The following SLC7A7 variants were observed in gnomAD, a reference collection of about 807,000 sequenced individuals.
SLC7A7 encodes the protein Y+L amino acid transporter 1.
In SLC7A7, 39 loss-of-function variants were observed where a neutral mutation model predicts 47.9. The observed-to-expected ratio is 0.81, with a 90% CI of 0.63 to 1.06. SLC7A7 has a LOEUF of 1.06. SLC7A7 is among the 50% of genes least tolerant of loss of function. The pLI is 0.00. For synonymous variants in SLC7A7, 234 were observed against 242.8 expected (o/e 0.96, Z 0.34); for missense variants, 588 against 632.0 (o/e 0.93, Z 0.75).
At chr14:22,819,078 G>C (rs369082295), upstream of SLC7A7, among the ~76,000 whole-genome samples, 2 of 152,262 alleles carry the variant, frequency 1.3e-5, no homozygotes, top group South Asian at 4.2e-4. Flanking sequence ...TGCTGGGCAG[G>C]ACAGCCAATG....
chr14:22,776,573 C>G (rs886509256), intron 4 of SLC7A7, among the ~76,000 whole-genome samples: 5 of 152,166 alleles, frequency 3.3e-5, no homozygotes, highest in Non-Finnish European at 5.9e-5. Flanking sequence ...TGGCTCATGC[C>G]TGTAGTACTA....
intron 1 of SLC7A7, 40 bp from the exon 2 acceptor site, chr14:22,813,480 G>C: frequency 6.4e-7 from 1 of 1,564,984 alleles, no homozygotes; most frequent in Non-Finnish European, 8.7e-7. Flanking sequence ...TAGGTGGTTG[G>C]CAATTACATA....
At chr14:22,778,241 G>C (rs1240285756) in intron 4 of SLC7A7, among the ~76,000 whole-genome samples, 1 of 152,174 alleles carries the variant, frequency 6.6e-6, no homozygotes, top group Non-Finnish European at 1.5e-5. Context: ...CTCAAGGTTA[G>C]CCAACAAGTC....
Position 22,780,181 on chromosome 14 carries a change from G to A in SLC7A7, c.500-130C>T, listed in dbSNP as rs184400378. 7.3e-4 allele frequency: 965 copies of A among 1,315,158 alleles called. 5 individuals are homozygous for A. The African/African-American group carries it at 0.013, about 18-fold the overall frequency. 81.5% of individuals were successfully genotyped at this position (1,315,158 alleles called of 1,614,324 possible). A position where few individuals can be genotyped will look rare whatever the true frequency, so the allele number is the denominator to read the frequency against. On this transcript the variant is annotated intron_variant, in intron 2 of 9. Transcript: ENST00000674313. Reference sequence around the variant, plus strand: ...CAGCCAAAGACAGACCCTCTGACCTGCTCTGCACTGGAACCCTCGGGGCCC... The same window carrying A: ...CAGCCAAAGACAGACCCTCTGACCTACTCTGCACTGGAACCCTCGGGGCCC...
chr14:22,798,360 C>T (rs566304160), intron 2 of SLC7A7, among the ~76,000 whole-genome samples: 19 of 152,020 alleles, frequency 1.2e-4, no homozygotes, highest in Non-Finnish European at 2.2e-4. Context: ...CAAGAGGAAA[C>T]TGAGGCTAAT....
At chr14:22,812,712 G>T (rs1182165393) in intron 2 of SLC7A7, among the ~76,000 whole-genome samples, 188 bp downstream of exon 2, 1 of 147,972 alleles carries the variant, frequency 6.8e-6, no homozygotes, top group African/African-American at 2.5e-5. Flanking sequence ...CTGGGGAAAA[G>T]GTGAGTGTTT....
In SLC7A7 at chr14:22,806,984, G is replaced by A. The variant is rs375736867; in HGVS notation, c.499+5916C>T. On this transcript the variant is annotated intron_variant, in intron 2 of 9. Coordinates refer to ENST00000674313, the MANE Select transcript of SLC7A7 (RefSeq NM_003982.4). ...GCGATCTGGGCTCACTGCAAGCTCC[G>A]CTTCCCGGGTTCATGCCATTCTCCT... 3.5e-4 allele frequency among the ~76,000 whole-genome samples: 50 copies of A among 143,282 alleles called. No individual in the cohort carries two copies. In the South Asian group the frequency reaches 8.6e-3, roughly 25 times the overall value. The allele number at this position is 143,282 out of a possible 152,430, so 94.0% of individuals were successfully genotyped here.
chr14:22,776,515 G>A (rs113616386), intron 4 of SLC7A7, among the ~76,000 whole-genome samples, 197 bp from the exon 5 acceptor site: 1,608 of 152,274 alleles, frequency 0.011, 24 homozygotes, highest in African/African-American at 0.037. Context: ...AGAACATTAG[G>A]GGAAAGGAAT....
At chr14:22,802,364 C>T (rs1025906083) in intron 2 of SLC7A7, among the ~76,000 whole-genome samples, 4 of 152,028 alleles carry the variant, frequency 2.6e-5, no homozygotes, top group Non-Finnish European at 2.9e-5. Flanking sequence ...GATCCTGCTA[C>T]TGTACTCCAG....
At chr14:22,805,178 C>T (rs376156232) in intron 2 of SLC7A7, among the ~76,000 whole-genome samples, 4 of 152,254 alleles carry the variant, frequency 2.6e-5, no homozygotes, top group African/African-American at 9.6e-5. Flanking sequence ...CCAGCCTGGC[C>T]AAGATGGGGA....
At chr14:22,803,496 T>C (rs1429553995) in intron 2 of SLC7A7, among the ~76,000 whole-genome samples, 1 of 152,152 alleles carries the variant, frequency 6.6e-6, no homozygotes, top group African/African-American at 2.4e-5. Context: ...TAAGGTACTA[T>C]TTTTGCAAAG....
At position 22,813,670 on chromosome 14, in the gene SLC7A7, T is replaced by A. The variant is rs867739147; in HGVS notation, c.-42-230A>T. On this transcript the variant is annotated intron_variant, in intron 1 of 9. Transcript: ENST00000674313. ...TCTCGCTCTGTAGCCCAGGCTGGAGTGCAGTGGTGCAATCTCGGCTCGGCT... is the reference window on the plus strand; with the variant it reads ...TCTCGCTCTGTAGCCCAGGCTGGAGAGCAGTGGTGCAATCTCGGCTCGGCT... 2.3e-4 allele frequency among the ~76,000 whole-genome samples: 33 copies of A among 146,438 alleles called. No homozygotes were observed. The Middle Eastern group carries it at 0.011, about 47-fold the overall frequency.
chr14:22,780,402 A>G (rs186875705), intron 2 of SLC7A7: 38 of 298,264 alleles, frequency 1.3e-4, no homozygotes, highest in African/African-American at 5.2e-4. Context: ...CTGAAAAGTC[A>G]TGGTCTCTCC....
rs11568438 is a variant in SLC7A7 at position 22,813,127 on chromosome 14, G to T, written c.272C>A (p.Ala91Glu). 9.3e-6 allele frequency: 15 copies of T among 1,613,992 alleles called. No homozygotes were observed. The highest frequency in any genetic ancestry group is 1.6e-4 in the Middle Eastern group (1 of 6,084). The change falls in exon 2 of 10, where the codon GCG becomes GAG. Residue 91 changes from alanine (A) to glutamate (E), a missense_variant. By Grantham distance (107) the Ala-to-Glu change is moderately radical. Transcript: ENST00000674313. ...TTTCTTAATGGTGGTGCCCAGTTCC[G>T]CATAACAAAGGGCCCCAAAGACGGA... ...LFSVFGALCY[A>E]ELGTTIKKSG...
rs1057524005 is a variant in SLC7A7, at chr14:22,773,602, G to C, written c.*8C>G. The C allele has an allele frequency of 6.2e-7, 1 of 1,607,146 alleles. No individual in the cohort carries two copies. The highest frequency in any genetic ancestry group is 8.5e-7 in the Non-Finnish European group (1 of 1,173,506). On this transcript the variant is annotated 3_prime_UTR_variant, in exon 10 of 10. Coordinates refer to ENST00000674313, the MANE Select transcript of SLC7A7 (RefSeq NM_003982.4). The stretch of plus-strand genomic sequence containing the variant: ...CCCTGCTTTCCACATCAGGATTCCA[G>C]ATGGTGTTTAGTTAGATTTGGGATC...
intron 2 of SLC7A7, among the ~76,000 whole-genome samples, chr14:22,808,069 G>T (rs2039242841): frequency 6.6e-6 from 1 of 151,992 alleles, no homozygotes; most frequent in Non-Finnish European, 1.5e-5. Flanking sequence ...GGCTGGGGCA[G>T]GAGAATCGCT....
intron 2 of SLC7A7, among the ~76,000 whole-genome samples, chr14:22,781,346 G>A (rs576688991): frequency 1.3e-5 from 2 of 152,042 alleles, no homozygotes; most frequent in Non-Finnish European, 2.9e-5. Context: ...TGAGAAGCAG[G>A]GAAGTCTGGC....
At chr14:22,786,574 T>C (rs1205132571) in intron 2 of SLC7A7, among the ~76,000 whole-genome samples, 1 of 152,248 alleles carries the variant, frequency 6.6e-6, no homozygotes, top group African/African-American at 2.4e-5. Flanking sequence ...CATTGTTTAC[T>C]ACAACTCCTT....
At chr14:22,810,644 A>G (rs2039291820) in intron 2 of SLC7A7, among the ~76,000 whole-genome samples, 1 of 152,166 alleles carries the variant, frequency 6.6e-6, no homozygotes, top group African/African-American at 2.4e-5. Flanking sequence ...CTACCAGATC[A>G]TCTGCAAGTA....
Sources: allele counts gnomAD v4.1 joint callset (sites outside exome capture counted in the v4.1 genomes callset), GRCh38; gene constraint gnomAD v4.1.1; transcripts MANE v1.5; gene names NCBI Gene and HGNC (gene_info 2026-07-23, HGNC 2026-07-21).